DNAH12: variants seen among roughly 807,000 people sequenced by gnomAD.
The protein encoded by DNAH12 is axonemal beta dynein heavy chain 12.
DNAH12 carries 285 observed loss-of-function variants against 371.5 expected under a neutral mutation model. That is an observed-to-expected ratio of 0.77 (90% CI 0.70 to 0.85). The LOEUF is 0.85. DNAH12 is among the 40% of genes least tolerant of loss of function. DNAH12 has a pLI of 0.00. For missense variants in DNAH12, 3,611 were observed against 3,689.4 expected, an observed-to-expected ratio of 0.98 and a Z score of 0.55; for synonymous variants, 1,200 against 1,213.0, an observed-to-expected ratio of 0.99 and a Z score of 0.22.
intron 40 of DNAH12, among the ~76,000 whole-genome samples, chr3:57,407,119 A>G (rs1575557576): frequency 6.6e-6 from 1 of 151,966 alleles, no homozygotes; most frequent in African/African-American, 2.4e-5. Context: ...GGATGGTCTC[A>G]ATCTCTTGAC....
intron 60 of DNAH12, among the ~76,000 whole-genome samples, chr3:57,346,935 T>C (rs1434218733): frequency 6.6e-6 from 1 of 152,130 alleles, no homozygotes; most frequent in Non-Finnish European, 1.5e-5. Context: ...ATAATATGAA[T>C]AGACCTGTAT....
intron 69 of DNAH12, among the ~76,000 whole-genome samples, chr3:57,307,504 T>TA (rs1365575904): frequency 6.6e-6 from 1 of 152,230 alleles, no homozygotes; most frequent in African/African-American, 2.4e-5. Context: ...CTGTTTTGCC[T>TA]AGCCCTCAAG....
intron 60 of DNAH12, among the ~76,000 whole-genome samples, chr3:57,350,020 G>A (rs1164662075): frequency 1.3e-5 from 2 of 152,062 alleles, no homozygotes; most frequent in African/African-American, 2.4e-5. Context: ...GAAGTAACTC[G>A]CTTCACTTAC....
intron 11 of DNAH12, 115 bp from the exon 12 acceptor site, chr3:57,489,802 C>A: frequency 9.1e-7 from 1 of 1,100,224 alleles, no homozygotes; most frequent in Non-Finnish European, 1.2e-6. Context: ...TTCTTTTTTG[C>A]TAAGTGACTA....
intron 39 of DNAH12, among the ~76,000 whole-genome samples, chr3:57,409,653 A>AT (rs1271410175): frequency 6.6e-6 from 1 of 152,118 alleles, no homozygotes; most frequent in Non-Finnish European, 1.5e-5. Flanking sequence ...AACAATGGTT[A>AT]TCTCCTGAAA....
At chr3:57,470,403 C>G in intron 16 of DNAH12, 40 bp downstream of exon 16, 1 of 1,458,410 alleles carries the variant, frequency 6.9e-7, no homozygotes, top group South Asian at 1.4e-5. Flanking sequence ...AAATTATTTT[C>G]TATCATTTGC....
At position 57,419,387 on chromosome 3, in the gene DNAH12, A is replaced by G; in HGVS notation, c.5694T>C (p.Asp1898=). The G allele has an allele frequency of 6.7e-7, 1 of 1,502,324 alleles. No individual in the cohort carries two copies. The highest frequency in any genetic ancestry group is 1.4e-5 in the African/African-American group (1 of 69,728). 93.1% of individuals were successfully genotyped at this position (1,502,324 alleles called of 1,614,324 possible). Residue 1898 remains aspartate (D), a synonymous_variant, in exon 37 of 74, where the codon GAT becomes GAC. Coordinates refer to ENST00000495027, the MANE Select transcript of DNAH12 (RefSeq NM_001366028.2). ...MDTIRYTFLM[D]LSITYAKPLL... is the part of the protein sequence containing the mutation. ...CTTACTTTGCATAGGTAATACTCAA[A>G]TCCATTAGAAACGTATATCTAATTG... is the stretch of plus-strand genomic sequence containing the variant.
chr3:57,506,639 G>C (rs1454486904), intron 8 of DNAH12, among the ~76,000 whole-genome samples: 1 of 151,766 alleles, frequency 6.6e-6, no homozygotes, highest in Non-Finnish European at 1.5e-5. Flanking sequence ...AGGAGGTTTT[G>C]CCATGTTGGC....
chr3:57,388,718 G>C (rs1575532616), intron 45 of DNAH12, among the ~76,000 whole-genome samples: 2 of 152,092 alleles, frequency 1.3e-5, no homozygotes, highest in African/African-American at 4.8e-5. Flanking sequence ...GGAATACTAT[G>C]CAGCCATAAA....
intron 11 of DNAH12, among the ~76,000 whole-genome samples, chr3:57,500,560 G>A (rs2067505599): frequency 6.6e-6 from 1 of 151,968 alleles, no homozygotes; most frequent in South Asian, 2.1e-4. Flanking sequence ...GAACACCCTG[G>A]TTCATGCTAC....
In DNAH12 at chr3:57,499,642, AAAAAAAT is replaced by A. The variant is rs1253712540; in HGVS notation, c.1335+1672_1335+1678del. On this transcript the variant is annotated intron_variant, in intron 11 of 73. Transcript: ENST00000495027. The stretch of plus-strand genomic sequence containing the variant: ...GACACCATCTCTACAAAAAAAAAAA[AAAAAAAT>A]ATATATATATATATATATATATATA... 9.4e-4 allele frequency among the ~76,000 whole-genome samples: 38 copies of A among 40,482 alleles called. 2 individuals carry two copies. The highest frequency in any genetic ancestry group is 1.5e-3 in the Non-Finnish European group (28 of 18,926). 26.6% of individuals were successfully genotyped at this position (40,482 alleles called of 152,430 possible). A position where few individuals can be genotyped will look rare whatever the true frequency, so the allele number is the denominator to read the frequency against.
In DNAH12 at chr3:57,498,402, G is replaced by A. The variant is rs1044191750; in HGVS notation, c.1335+2919C>T. On this transcript the variant is annotated intron_variant, in intron 11 of 73. Transcript: ENST00000495027. Reference sequence around the variant, plus strand: ...CATGATCATAACTCACTGCAGACTCGAACTCCTAGGCTCCAGTAATCCTTT... The same window carrying A: ...CATGATCATAACTCACTGCAGACTCAAACTCCTAGGCTCCAGTAATCCTTT... 5.7e-5 allele frequency: 39 copies of A among 687,160 alleles called. 2 individuals are homozygous for A. The highest frequency in any genetic ancestry group is 3.7e-4 in the South Asian group (24 of 64,508). The allele number at this position is 687,160 out of a possible 1,614,324, so 42.6% of individuals were successfully genotyped here.
chr3:57,525,267 G>T (rs1477727878), intron 2 of DNAH12, among the ~76,000 whole-genome samples: 2 of 151,990 alleles, frequency 1.3e-5, no homozygotes, highest in Non-Finnish European at 2.9e-5. Context: ...TTTGCTCACT[G>T]CTCTCCCCAC....
At chr3:57,427,138 A>ATGTGATATGTGTGTG (rs564544771) in intron 34 of DNAH12, among the ~76,000 whole-genome samples, 3 of 138,872 alleles carry the variant, frequency 2.2e-5, no homozygotes, top group Admixed American at 1.5e-4. Context: ...TAAGAAGCGA[A>ATGTGATATGTGTGTG]TGTGTGTGTG....
At chr3:57,499,647 A>AATATATATATAT (rs1176721728) in intron 11 of DNAH12, among the ~76,000 whole-genome samples, 27 of 17,950 alleles carry the variant, frequency 1.5e-3, no homozygotes, top group Non-Finnish European at 2.3e-3. Flanking sequence ...AAAAAAAAAA[A>AATATATATATAT]ATATATATAT....
chr3:57,430,723 G>A (rs1233032108), intron 32 of DNAH12, among the ~76,000 whole-genome samples: 1 of 151,898 alleles, frequency 6.6e-6, no homozygotes, highest in Non-Finnish European at 1.5e-5. Context: ...TTAAATTCTT[G>A]TACATTTAGT....
chr3:57,334,815 C>A lies in DNAH12; in HGVS notation c.9800G>T (p.Arg3267Leu), dbSNP rs768937449. 1 of 1,551,720 alleles carries A rather than the reference C, an allele frequency of 6.4e-7. No individual in the cohort carries two copies. Among genetic ancestry groups the A allele is most frequent in the Non-Finnish European group, 8.7e-7 (1 of 1,147,008 alleles). Reference protein sequence around the residue: ...LQDKSWEEICRASEFPAFRGL... With the variant: ...LQDKSWEEICLASEFPAFRGL... ...TCTGAAGGCAGGAAATTCACTTGCCCGACAGATTTCCTCCCAGCTTTTGTC... is the reference window on the plus strand; with the variant it reads ...TCTGAAGGCAGGAAATTCACTTGCCAGACAGATTTCCTCCCAGCTTTTGTC... The change falls in exon 61 of 74, where the codon CGG becomes CTG. Residue 3267 changes from arginine (R) to leucine (L), a missense_variant. Arg to Leu is a moderately radical substitution (Grantham distance 102). This residue lies in a region of DNAH12 where 2,266 missense variants were observed against 2,236.9 expected (regional missense o/e 1.01). Coordinates refer to ENST00000495027, the MANE Select transcript of DNAH12 (RefSeq NM_001366028.2).
At chr3:57,305,294 T>G (rs551701962) in intron 69 of DNAH12, among the ~76,000 whole-genome samples, 1 of 151,528 alleles carries the variant, frequency 6.6e-6, no homozygotes, top group African/African-American at 2.4e-5. Flanking sequence ...CGTCGCTGAG[T>G]CTTTCTAATC....
chr3:57,297,835 C>T (rs543150757), intron 70 of DNAH12, among the ~76,000 whole-genome samples: 4 of 152,250 alleles, frequency 2.6e-5, no homozygotes, highest in East Asian at 1.9e-4. Context: ...TTGGATCAGA[C>T]GTAGCATCTT....
Sources: allele counts gnomAD v4.1 joint callset (sites outside exome capture counted in the v4.1 genomes callset), GRCh38; gene constraint gnomAD v4.1.1; regional missense constraint gnomAD v4.1.1; transcripts MANE v1.5; gene names NCBI Gene and HGNC (gene_info 2026-07-23, HGNC 2026-07-21).